Variants in GPR35 observed in about 807,000 individuals in gnomAD.
GPR35 encodes G protein-coupled receptor 35.
For synonymous variants in GPR35, 207 were observed against 198.4 expected (o/e 1.04, Z -0.36); for missense variants, 372 against 422.5 (o/e 0.88, Z 1.05).
intron 2 of GPR35, among the ~76,000 whole-genome samples, chr2:240,611,985 A>G (rs2953158): frequency 0.12 from 18,900 of 151,960 alleles, 1,381 homozygotes; most frequent in East Asian, 0.28. Context: ...AAAACAAGGA[A>G]GCGTGTGTCA....
At chr2:240,625,916 T>TG (rs1575468309) in intron 1 of GPR35, among the ~76,000 whole-genome samples, 21 of 83,796 alleles carry the variant, frequency 2.5e-4, no homozygotes, top group Admixed American at 6.1e-4. Flanking sequence ...GAGGCTCTGA[T>TG]GGGGTCTCAG....
At position 240,615,097 on chromosome 2, in the gene GPR35, GTGTA is replaced by G. The variant is rs199943333; in HGVS notation, c.-576-1285_-576-1282del. Among the ~76,000 whole-genome samples the G allele has an allele frequency of 6.3e-3, 959 of 151,270 alleles. 8 individuals carry two copies. The highest frequency in any genetic ancestry group is 0.023 in the African/African-American group (925 of 40,658). ...TGTGTATGTTTACATGTGTCTGTGTGTGTATGTATATGCCTGTGCTTGTGTGTGT... is the reference window on the plus strand; with the variant it reads ...TGTGTATGTTTACATGTGTCTGTGTGTGTATATGCCTGTGCTTGTGTGTGT... On this transcript the variant is annotated intron_variant, in intron 2 of 5. Transcript: ENST00000319838.
At chr2:240,629,841 G>T in intron 1 of GPR35, 108 bp from the exon 2 acceptor site, 1 of 921,278 alleles carries the variant, frequency 1.1e-6, no homozygotes, top group Non-Finnish European at 1.7e-6. Flanking sequence ...GTGTGGGGTC[G>T]GGGCTCACCT....
chr2:240,632,147 C>G lies in GPR35; in HGVS notation c.*1265C>G, dbSNP rs1171515681. Among the ~76,000 whole-genome samples, 1 of 149,804 alleles carries G rather than the reference C, an allele frequency of 6.7e-6. No individual in the cohort carries two copies. Among genetic ancestry groups the G allele is most frequent in the African/African-American group, 2.5e-5 (1 of 40,518 alleles). ...GGAGGGCTCTATGCCCAAAAGGGTC[C>G]CATGTCCGGGAGGGTCCATACGCAA... On this transcript the variant is annotated 3_prime_UTR_variant, in exon 2 of 2. Transcript: ENST00000407714.
At position 240,630,618 on chromosome 2, in the gene GPR35, C is replaced by T. The variant is rs147700491; in HGVS notation, c.666C>T (p.Asn222=). 6.5e-4 allele frequency: 1,045 copies of T among 1,612,938 alleles called. 3 individuals carry two copies. The African/African-American group carries it at 0.011, about 17-fold the overall frequency. ...AGGCTGCCCGCATGGTCTGGGCCAA[C>T]CTCCTGGTGTTCGTGGTCTGCTTCC... ...TRKAARMVWA[N]LLVFVVCFLP... is the part of the protein sequence containing the mutation. Residue 222 remains asparagine (N), a synonymous_variant, in exon 2 of 2, where the codon AAC becomes AAT. Coordinates refer to ENST00000407714, the MANE Select transcript of GPR35 (RefSeq NM_005301.5).
At position 240,632,197 on chromosome 2, in the gene GPR35, G is replaced by A. The variant is rs992174118; in HGVS notation, c.*1315G>A. On this transcript the variant is annotated 3_prime_UTR_variant, in exon 2 of 2. Transcript: ENST00000407714. ...AGGGTGTCCATGCCTGGTTGGGGGG[G>A]GTCTATGTCCAGGAGGGTCCCATGC... is the stretch of plus-strand genomic sequence containing the variant. Among the ~76,000 whole-genome samples the A allele has an allele frequency of 6.6e-6, 1 of 151,570 alleles. No individual in the cohort carries two copies. The highest frequency in any genetic ancestry group is 2.4e-5 in the African/African-American group (1 of 41,248).
intron 2 of GPR35, among the ~76,000 whole-genome samples, chr2:240,607,900 T>C (rs898781558): frequency 4.6e-5 from 7 of 152,058 alleles, no homozygotes; most frequent in East Asian, 1.9e-4. Context: ...CTCTTTTTTG[T>C]TTTTAAATTG....
At position 240,629,271 on chromosome 2, in the gene GPR35, G is replaced by A. The variant is rs1414538044; in HGVS notation, c.-4-678G>A. 3.3e-5 allele frequency: 5 copies of A among 152,554 alleles called. No homozygotes were observed. The East Asian group carries it at 9.6e-4, about 29-fold the overall frequency. 9.5% of individuals were successfully genotyped at this position (152,554 alleles called of 1,614,324 possible). ...GGCTCTGGCCCCTGGGAGCTCAAGGGGTGAATCCCTGATCCCAGGTGTGGG... is the reference window on the plus strand; with the variant it reads ...GGCTCTGGCCCCTGGGAGCTCAAGGAGTGAATCCCTGATCCCAGGTGTGGG... On this transcript the variant is annotated intron_variant, in intron 1 of 1. Transcript: ENST00000407714.
chr2:240,623,327 G>A (rs1190809817), upstream of GPR35, among the ~76,000 whole-genome samples: 1 of 139,436 alleles, frequency 7.2e-6, no homozygotes, highest in African/African-American at 2.7e-5. Context: ...AGGTCGTGAG[G>A]GCGCAAACAG....
intron 1 of GPR35, among the ~76,000 whole-genome samples, chr2:240,627,012 C>G (rs2975781): frequency 2.0e-5 from 3 of 151,960 alleles, no homozygotes; most frequent in African/African-American, 7.3e-5. Context: ...GAAGGGGAAG[C>G]GGGGCCTCAG....
At chr2:240,621,512 C>G (rs1575465178), upstream of GPR35, among the ~76,000 whole-genome samples, 1 of 152,176 alleles carries the variant, frequency 6.6e-6, no homozygotes, top group East Asian at 1.9e-4. Flanking sequence ...CTCGGCCTCT[C>G]AAAGTGCTGG....
chr2:240,621,870 G>C, upstream of GPR35, among the ~76,000 whole-genome samples: 1 of 152,078 alleles, frequency 6.6e-6, no homozygotes, highest in Non-Finnish European at 1.5e-5. Flanking sequence ...TTATTCTATT[G>C]ATTTAAAGAA....
In GPR35 at chr2:240,631,756, C is replaced by G. The variant is rs1299038691; in HGVS notation, c.*874C>G. Among the ~76,000 whole-genome samples the G allele has an allele frequency of 6.6e-6, 1 of 152,216 alleles. No homozygotes were observed. The highest frequency in any genetic ancestry group is 1.5e-5 in the Non-Finnish European group (1 of 68,028). ...TCCTGTACTCCTGCATGGAGGGCAT[C>G]TCGAAACCCAAGCTGGAAGGACAGG... is the stretch of plus-strand genomic sequence containing the variant. On this transcript the variant is annotated 3_prime_UTR_variant, in exon 2 of 2. Transcript: ENST00000407714.
At position 240,630,768 on chromosome 2, in the gene GPR35, C is replaced by T. The variant is rs202004164; in HGVS notation, c.816C>T (p.Asp272=). Residue 272 remains aspartate (D), a synonymous_variant, in exon 2 of 2, where the codon GAC becomes GAT. Transcript: ENST00000407714. The part of the protein sequence containing the change: ...SKLSDANCCL[D]AICYYYMAKE... ...TCTCAGATGCCAACTGCTGCCTGGA[C>T]GCCATCTGCTACTACTACATGGCCA... 5.4e-5 allele frequency: 87 copies of T among 1,613,426 alleles called. No homozygotes were observed. Among genetic ancestry groups the T allele is most frequent in the Non-Finnish European group, 5.8e-5 (69 of 1,180,034 alleles).
At chr2:240,625,157 AG>A (rs2043354336), upstream of GPR35, 2 of 598,540 alleles carry the variant, frequency 3.3e-6, no homozygotes, top group South Asian at 7.3e-5. Flanking sequence ...CCGAGATGAC[AG>A]GGCAGAAGTG....
At position 240,632,891 on chromosome 2, in the gene GPR35, A is replaced by G. The variant is rs1462813952; in HGVS notation, c.*2009A>G. ...ATCTTGAATTGTAATCCCTATAATA[A>G]CCATAGTCCCCATGTGTCAAGGGAG... On this transcript the variant is annotated 3_prime_UTR_variant, in exon 2 of 2. Coordinates refer to ENST00000407714, the MANE Select transcript of GPR35 (RefSeq NM_005301.5). Among the ~76,000 whole-genome samples, 2 of 152,206 alleles carry G rather than the reference A, an allele frequency of 1.3e-5. No individual in the cohort carries two copies. The highest frequency in any genetic ancestry group is 4.8e-5 in the African/African-American group (2 of 41,456).
upstream of GPR35, among the ~76,000 whole-genome samples, chr2:240,623,217 A>T (rs893397663): frequency 3.3e-5 from 5 of 152,226 alleles, no homozygotes; most frequent in African/African-American, 1.2e-4. Context: ...AGAGTCCCAC[A>T]AGCACAAGCC....
At chr2:240,625,137 G>C, upstream of GPR35, 1 of 425,688 alleles carries the variant, frequency 2.3e-6, no homozygotes, top group Non-Finnish European at 3.1e-6. Context: ...GCTGGGCCCT[G>C]GGAAGGTTTC....
chr2:240,629,501 G>T, intron 1 of GPR35: 1 of 159,406 alleles, frequency 6.3e-6, no homozygotes, highest in Non-Finnish European at 1.4e-5. Flanking sequence ...CCTGGGCTTT[G>T]TCCGGGAGCC....
Sources: gnomAD v4.1 joint callset for allele counts (sites outside exome capture counted in the v4.1 genomes callset) on GRCh38, gnomAD v4.1.1 for gene constraint, MANE v1.5 for transcripts, NCBI Gene and HGNC (gene_info 2026-07-23, HGNC 2026-07-21) for gene names.